The following SMG9 variants were observed in gnomAD, a reference collection of about 807,000 sequenced individuals.
SMG9 encodes nonsense-mediated mRNA decay factor SMG9.
Under a neutral mutation model 64.0 loss-of-function variants are expected in SMG9, and 55 were observed. The observed-to-expected ratio is 0.86, with a 90% confidence interval of 0.69 to 1.08. SMG9 has a LOEUF of 1.08. SMG9 is among the 50% of genes least tolerant of loss of function. The probability of loss-of-function intolerance (pLI) is 0.00; values close to 1 mark genes in which losing one functional copy is unlikely to be tolerated. For missense variants in SMG9, 554 were observed against 681.3 expected (o/e 0.81, Z 2.08); for synonymous variants, 244 against 254.8 (o/e 0.96, Z 0.41).
chr19:43,734,717 A>T (rs1968602154), intron 9 of SMG9: 2 of 401,148 alleles, frequency 5.0e-6, no homozygotes, highest in Non-Finnish European at 8.9e-6. Flanking sequence ...AGTTTACTGT[A>T]TTTTTTTTTT....
intron 6 of SMG9, among the ~76,000 whole-genome samples, chr19:43,744,551 AAGGGAGGG>A (rs944556023): frequency 2.0e-5 from 3 of 151,210 alleles, no homozygotes; most frequent in Admixed American, 1.3e-4. Context: ...GCCAGGCAGG[AAGGGAGGG>A]AGGGAGGGAG....
chr19:43,728,895 G>T lies in SMG9; in HGVS notation c.*2701C>A. 1 of 718,480 alleles carries T rather than the reference G, an allele frequency of 1.4e-6. No individual in the cohort carries two copies. The highest frequency in any genetic ancestry group is 1.7e-6 in the Non-Finnish European group (1 of 586,054). 44.5% of individuals were successfully genotyped at this position (718,480 alleles called of 1,614,324 possible). On this transcript the variant is annotated 3_prime_UTR_variant, in exon 14 of 14. Transcript: ENST00000270066. Reference sequence around the variant, plus strand: ...TTGAAAAGCGTGAGTTCCACCTGCTGGGAATGATGAAGGGACTGGAGAGCC... The same window carrying T: ...TTGAAAAGCGTGAGTTCCACCTGCTTGGAATGATGAAGGGACTGGAGAGCC...
At chr19:43,737,570 C>T (rs942890788) in intron 9 of SMG9, 27 bp downstream of exon 9, 5 of 1,601,184 alleles carry the variant, frequency 3.1e-6, no homozygotes, top group East Asian at 2.2e-5. Context: ...TTCCTCCTCC[C>T]CACCCTCCAA....
intron 6 of SMG9, 86 bp from the exon 7 acceptor site, chr19:43,740,304 T>A (rs1482639930): frequency 2.0e-6 from 2 of 988,468 alleles, no homozygotes; most frequent in East Asian, 4.8e-5. Flanking sequence ...GAGCTGAGCA[T>A]GTGAGCCGTG....
At chr19:43,732,738 A>C in intron 13 of SMG9, 120 bp downstream of exon 13, 1 of 1,232,692 alleles carries the variant, frequency 8.1e-7, no homozygotes, top group South Asian at 1.3e-5. Context: ...GTTCCAGAAA[A>C]GGAACCTGGG....
At position 43,731,565 on chromosome 19, in the gene SMG9, G is replaced by A; in HGVS notation, c.*31C>T. The stretch of plus-strand genomic sequence containing the variant: ...CTCGCAGTACACTGCGGACCCAGGA[G>A]GTCCCCTGCATGACATTCCTCTCCT... On this transcript the variant is annotated 3_prime_UTR_variant, in exon 14 of 14. Coordinates refer to ENST00000270066, the MANE Select transcript of SMG9 (RefSeq NM_019108.4). 6.2e-7 allele frequency: 1 copy of A among 1,614,028 alleles called. No homozygotes were observed.
intron 6 of SMG9, among the ~76,000 whole-genome samples, chr19:43,741,527 T>TG (rs1183706562): frequency 6.6e-6 from 1 of 152,220 alleles, no homozygotes; most frequent in Non-Finnish European, 1.5e-5. Context: ...GACTGTGGTT[T>TG]GAAAGGTCCC....
intron 1 of SMG9, among the ~76,000 whole-genome samples, chr19:43,753,545 C>G (rs1969259039): frequency 6.7e-6 from 1 of 149,398 alleles, no homozygotes; most frequent in South Asian, 2.1e-4. Flanking sequence ...GCTGCGGCCT[C>G]TGCCTCCCGG....
At chr19:43,734,250 T>C (rs1413624612) in intron 10 of SMG9, 139 bp downstream of exon 10, 1 of 656,110 alleles carries the variant, frequency 1.5e-6, no homozygotes. Flanking sequence ...TTTTTGACTT[T>C]GCTCCTCACA....
chr19:43,740,344 C>G, intron 6 of SMG9, 126 bp from the exon 7 acceptor site: 3 of 709,934 alleles, frequency 4.2e-6, no homozygotes, highest in Non-Finnish European at 5.1e-6. Flanking sequence ...AGCTTTTCAT[C>G]TGTGGCCCAT....
intron 8 of SMG9, 146 bp from the exon 9 acceptor site, chr19:43,737,828 C>A (rs1968723151): frequency 2.8e-6 from 2 of 726,428 alleles, no homozygotes; most frequent in African/African-American, 1.8e-5. Context: ...GATGGCACTT[C>A]CCTTACAGGC....
In SMG9 at chr19:43,741,394, GT is replaced by G. The variant is rs543310563; in HGVS notation, c.702-1177del. On this transcript the variant is annotated intron_variant, in intron 6 of 13. Transcript: ENST00000270066. Reference sequence around the variant, plus strand: ...CCAGCATGGCAAGAGCAGAAAGATGGTGCATGTGGGAGGGGAGGGAGCAAGA... The same window carrying G: ...CCAGCATGGCAAGAGCAGAAAGATGGGCATGTGGGAGGGGAGGGAGCAAGA... Among the ~76,000 whole-genome samples, 313 of 152,312 alleles carry G rather than the reference GT, an allele frequency of 2.1e-3. 2 individuals are homozygous for G. The highest frequency in any genetic ancestry group is 7.3e-3 in the African/African-American group (303 of 41,562).
At chr19:43,740,067 G>C in intron 7 of SMG9, 40 bp downstream of exon 7, 1 of 1,312,604 alleles carries the variant, frequency 7.6e-7, no homozygotes, top group Non-Finnish European at 1.1e-6. Context: ...GCTCAATGCA[G>C]GATGTGGCAG....
At chr19:43,741,292 G>A (rs1057231466) in intron 6 of SMG9, among the ~76,000 whole-genome samples, 1 of 152,198 alleles carries the variant, frequency 6.6e-6, no homozygotes, top group Non-Finnish European at 1.5e-5. Context: ...GAGTTAATTG[G>A]CACTGGGTGG....
In SMG9 at chr19:43,737,678, A is replaced by G; in HGVS notation, c.914T>C (p.Leu305Pro). 6.2e-7 allele frequency: 1 copy of G among 1,613,876 alleles called. No homozygotes were observed. Among genetic ancestry groups the G allele is most frequent in the South Asian group, 1.1e-5 (1 of 91,056 alleles). Residue 305 changes from leucine (L) to proline (P), a missense_variant, in exon 9 of 14, where the codon CTC becomes CCC. Physicochemically the swap from Leu to Pro is moderately conservative, Grantham distance 98 (BLOSUM62 -3). Coordinates refer to ENST00000270066, the MANE Select transcript of SMG9 (RefSeq NM_019108.4). Reference protein sequence around the residue: ...LPHTYVEMQSLQIAAFLFTVC... With the variant: ...LPHTYVEMQSPQIAAFLFTVC... ...CGTGAAAAGGAAGGCAGCAATCTGG[A>G]GTGACTGAGGGTGGGCAGGATGGAA...
intron 12 of SMG9, 68 bp from the exon 13 acceptor site, chr19:43,733,070 C>G: frequency 6.5e-7 from 1 of 1,530,082 alleles, no homozygotes; most frequent in Non-Finnish European, 8.8e-7. Flanking sequence ...TTAACAGCAT[C>G]CTGGGCTTCA....
At position 43,748,029 on chromosome 19, in the gene SMG9, A is replaced by G. The variant is rs934617235; in HGVS notation, c.174T>C (p.Thr58=). The G allele has an allele frequency of 1.3e-5, 21 of 1,612,120 alleles. No individual in the cohort carries two copies. The highest frequency in any genetic ancestry group is 1.7e-5 in the Non-Finnish European group (20 of 1,179,168). The change falls in exon 3 of 14, where the codon ACT becomes ACC. Residue 58 remains threonine (T), a synonymous_variant. Transcript: ENST00000270066. The stretch of plus-strand genomic sequence containing the variant: ...TGATGGGGGTTTTCTGCATGACGGA[A>G]GTGCTTGTCTCTTCGCTGGCATCCT... ...ERRDASEETS[T]SVMQKTPIIL...
intron 8 of SMG9, chr19:43,737,894 C>T: frequency 1.5e-6 from 1 of 650,902 alleles, no homozygotes; most frequent in Non-Finnish European, 2.7e-6. Flanking sequence ...CAGGCAGATG[C>T]TGAGGCGTCA....
chr19:43,740,860 G>C (rs1344339532), intron 6 of SMG9, among the ~76,000 whole-genome samples: 1 of 152,124 alleles, frequency 6.6e-6, no homozygotes, highest in Non-Finnish European at 1.5e-5. Flanking sequence ...AGCAGGCAGA[G>C]CAGGGCCGTG....
Sources: allele counts gnomAD v4.1 joint callset (sites outside exome capture counted in the v4.1 genomes callset), GRCh38; gene constraint gnomAD v4.1.1; transcripts MANE v1.5; gene names NCBI Gene and HGNC (gene_info 2026-07-23, HGNC 2026-07-21).